Variants in ZBTB10 observed in about 807,000 individuals in gnomAD.
ZBTB10 encodes the protein zinc finger and BTB domain-containing protein 10.
Under a neutral mutation model 76.4 loss-of-function variants are expected in ZBTB10, and 32 were observed. The ratio of observed to expected loss-of-function variants is 0.42; its 90% CI spans 0.32 to 0.56. The LOEUF is 0.56. ZBTB10 is among the 20% of genes least tolerant of loss of function. ZBTB10 has a pLI of 0.14. For synonymous variants in ZBTB10, 523 were observed against 432.9 expected (o/e 1.21, Z -2.58); for missense variants, 1,057 against 1,098.5 (o/e 0.96, Z 0.53).
At position 80,487,459 on chromosome 8, in the gene ZBTB10, G is replaced by C. The variant is rs1426597865; in HGVS notation, c.649G>C (p.Glu217Gln). The C allele has an allele frequency of 9.7e-6, 15 of 1,547,770 alleles. No individual in the cohort carries two copies. Among genetic ancestry groups the C allele is most frequent in the Non-Finnish European group, 1.3e-5 (15 of 1,143,928 alleles). ...GCGGTCGGGCGGCGATGGCGGGGAC[G>C]AAGTGGAGGGCAGCGGTGTGGGAGC... ...SRRSGGDGGD[E>Q]VEGSGVGAGE... The change falls in exon 1 of 6, where the codon GAA becomes CAA. Residue 217 changes from glutamate to glutamine, a missense_variant. Around this residue, in one of 5 missense-constraint regions of ZBTB10, gnomAD observed 556 missense variants for 451.7 expected, o/e 1.23. Coordinates refer to ENST00000455036, the MANE Select transcript of ZBTB10 (RefSeq NM_001105539.3).
At chr8:80,493,471 T>C (rs1815697015) in intron 1 of ZBTB10, among the ~76,000 whole-genome samples, 3 of 151,936 alleles carry the variant, frequency 2.0e-5, no homozygotes, top group Admixed American at 1.3e-4. Flanking sequence ...ACCTGCGTAG[T>C]GTGTATGTGG....
chr8:80,493,667 CAA>C (rs113190537), intron 1 of ZBTB10, among the ~76,000 whole-genome samples: 2 of 130,398 alleles, frequency 1.5e-5, no homozygotes, highest in Non-Finnish European at 1.7e-5. Context: ...AAAAACAAAA[CAA>C]AAAAAAAAAA....
At chr8:80,509,830 G>C (rs1040338613) in intron 2 of ZBTB10, among the ~76,000 whole-genome samples, 1 of 152,032 alleles carries the variant, frequency 6.6e-6, no homozygotes, top group African/African-American at 2.4e-5. Flanking sequence ...CACCCATGGA[G>C]GGAGTGCAGT....
Position 80,487,110 on chromosome 8 carries a change from G to T in ZBTB10, c.300G>T (p.Ala100=). 1 of 1,518,680 alleles carries T rather than the reference G, an allele frequency of 6.6e-7. No individual in the cohort carries two copies. Among genetic ancestry groups the T allele is most frequent in the Non-Finnish European group, 8.8e-7 (1 of 1,138,702 alleles). The allele number at this position is 1,518,680 out of a possible 1,614,324, so 94.1% of individuals were successfully genotyped here. ...EAKELLLPQD[A]GGPTSLGGGA... is the part of the protein sequence containing the mutation. ...AGGAGTTGCTGCTCCCCCAAGACGC[G>T]GGCGGCCCCACCTCGCTTGGCGGTG... Residue 100 remains alanine (A), a synonymous_variant, in exon 1 of 6, where the codon GCG becomes GCT. Coordinates refer to ENST00000455036, the MANE Select transcript of ZBTB10 (RefSeq NM_001105539.3).
chr8:80,524,783 A>T lies in ZBTB10; in HGVS notation c.*5255A>T, dbSNP rs1816518056. 6.6e-6 allele frequency: 1 copy of T among 152,112 alleles called. No individual in the cohort carries two copies. The highest frequency in any genetic ancestry group is 6.6e-5 in the Admixed American group (1 of 15,242). 9.4% of individuals were successfully genotyped at this position (152,112 alleles called of 1,614,324 possible). ...ATTGGGACCATTGGCTCAAGATTGA[A>T]AATCGGTTTTTAATTATCCAAAGAT... On this transcript the variant is annotated 3_prime_UTR_variant, in exon 6 of 6. Transcript: ENST00000455036.
intron 2 of ZBTB10, among the ~76,000 whole-genome samples, chr8:80,502,559 T>A (rs1005625579): frequency 6.6e-5 from 10 of 152,160 alleles, no homozygotes; most frequent in African/African-American, 2.4e-4. Context: ...TTATTTTCAT[T>A]TCATTGATAC....
At chr8:80,503,138 T>C (rs1815966449) in intron 2 of ZBTB10, among the ~76,000 whole-genome samples, 1 of 152,226 alleles carries the variant, frequency 6.6e-6, no homozygotes, top group Non-Finnish European at 1.5e-5. Context: ...ACCTACCCCC[T>C]GTAGTCCATG....
rs1815921251 is a variant in ZBTB10, at chr8:80,501,403, AG to A, written c.1861+1022del. On this transcript the variant is annotated intron_variant, in intron 2 of 5. Transcript: ENST00000455036. ...TCTGGCTGTGCATATCTTTATTTGAAGAAGCTCAGTGGGTTTGAGGTTTCCT... is the reference window on the plus strand; with the variant it reads ...TCTGGCTGTGCATATCTTTATTTGAAAAGCTCAGTGGGTTTGAGGTTTCCT... Among the ~76,000 whole-genome samples the A allele has an allele frequency of 5.9e-5, 9 of 152,322 alleles. No individual in the cohort carries two copies. In the South Asian group the frequency reaches 1.9e-3, roughly 32 times the overall value.
chr8:80,497,013 A>G (rs902643379), intron 1 of ZBTB10, among the ~76,000 whole-genome samples: 2 of 152,118 alleles, frequency 1.3e-5, no homozygotes, highest in Non-Finnish European at 2.9e-5. Context: ...CTTATTTGTA[A>G]TTTCTATAGA....
At chr8:80,508,922 T>A (rs1301314402) in intron 2 of ZBTB10, among the ~76,000 whole-genome samples, 1 of 152,124 alleles carries the variant, frequency 6.6e-6, no homozygotes, top group African/African-American at 2.4e-5. Flanking sequence ...CTAAAAAGTT[T>A]AAGAGCATTT....
At chr8:80,505,308 G>C (rs1387075261) in intron 2 of ZBTB10, among the ~76,000 whole-genome samples, 1 of 151,956 alleles carries the variant, frequency 6.6e-6, no homozygotes, top group African/African-American at 2.4e-5. Context: ...TTCTCCAGTG[G>C]GATTTTTTTA....
chr8:80,487,365 G>A lies in ZBTB10; in HGVS notation c.555G>A (p.Glu185=). The stretch of plus-strand genomic sequence containing the variant: ...GCGCGTCCCTGAGCGACAGCACCGA[G>A]GACGAGGAGGAGGGGGCGAGCCTGG... ...QDGASLSDST[E]DEEEGASLGD... The change falls in exon 1 of 6, where the codon GAG becomes GAA. Residue 185 remains glutamate (E), a synonymous_variant. Transcript: ENST00000455036. 2 of 1,528,638 alleles carry A rather than the reference G, an allele frequency of 1.3e-6. No individual in the cohort carries two copies. The highest frequency in any genetic ancestry group is 2.5e-5 in the East Asian group (1 of 40,586). The allele number at this position is 1,528,638 out of a possible 1,614,324, so 94.7% of individuals were successfully genotyped here. A position where few individuals can be genotyped will look rare whatever the true frequency, so the allele number is the denominator to read the frequency against.
intron 2 of ZBTB10, among the ~76,000 whole-genome samples, chr8:80,501,738 T>C (rs1815928813): frequency 6.6e-6 from 1 of 152,186 alleles, no homozygotes; most frequent in Admixed American, 6.5e-5. Context: ...ATATAACGAA[T>C]ACTATATATC....
At chr8:80,513,224 C>G (rs1182641255) in intron 2 of ZBTB10, among the ~76,000 whole-genome samples, 2 of 152,286 alleles carry the variant, frequency 1.3e-5, no homozygotes, top group Admixed American at 6.5e-5. Context: ...TCACTGTAGC[C>G]TCTGCCTCCC....
chr8:80,513,952 A>G lies in ZBTB10; in HGVS notation c.1904A>G (p.Asn635Ser). ...CTCTCGGGGCCAGATGGTGATAGGA[A>G]TGTGAATGCAAATTTATTGGCTGAA... ...ALLSGPDGDR[N>S]VNANLLAEAG... Residue 635 changes from asparagine (N) to serine (S), a missense_variant, in exon 3 of 6, where the codon AAT becomes AGT. Coordinates refer to ENST00000455036, the MANE Select transcript of ZBTB10 (RefSeq NM_001105539.3). 6.2e-7 allele frequency: 1 copy of G among 1,613,700 alleles called. No individual in the cohort carries two copies. Among genetic ancestry groups the G allele is most frequent in the Non-Finnish European group, 8.5e-7 (1 of 1,179,708 alleles).
chr8:80,492,571 T>C (rs535618788), intron 1 of ZBTB10, among the ~76,000 whole-genome samples: 3 of 152,142 alleles, frequency 2.0e-5, no homozygotes, highest in African/African-American at 7.2e-5. Context: ...CTCCGCCTCC[T>C]GGGTTCAAGT....
chr8:80,504,119 A>G (rs956931654), intron 2 of ZBTB10, among the ~76,000 whole-genome samples: 1 of 152,244 alleles, frequency 6.6e-6, no homozygotes, highest in Admixed American at 6.5e-5. Context: ...AAAGTAGTAG[A>G]TTCCTATCTT....
chr8:80,514,054 G>A (rs781592387), intron 3 of ZBTB10, 46 bp downstream of exon 3: 37 of 1,528,710 alleles, frequency 2.4e-5, no homozygotes, highest in Non-Finnish European at 3.2e-5. Flanking sequence ...AGATTGGGAA[G>A]TGTTACATCT....
intron 2 of ZBTB10, 106 bp downstream of exon 2, chr8:80,500,488 T>C: frequency 1.7e-6 from 2 of 1,158,912 alleles, no homozygotes; most frequent in South Asian, 2.0e-5. Flanking sequence ...AAAGTAATAC[T>C]AAAGTTGTTT....
Sources: gnomAD v4.1 joint callset for allele counts (sites outside exome capture counted in the v4.1 genomes callset) on GRCh38, gnomAD v4.1.1 for gene constraint, gnomAD v4.1.1 regional missense constraint, MANE v1.5 for transcripts, NCBI Gene and HGNC (gene_info 2026-07-23, HGNC 2026-07-21) for gene names.